The following ARHGEF9 variants were observed in gnomAD, a reference collection of about 807,000 sequenced individuals.
ARHGEF9 encodes the protein rho guanine nucleotide exchange factor 9.
Under a neutral mutation model 41.3 loss-of-function variants are expected in ARHGEF9, and 2 were observed. The observed-to-expected ratio is 0.05, with a 90% CI of 0.02 to 0.15. ARHGEF9 has a LOEUF of 0.15. Among genes scored for constraint, ARHGEF9 ranks in the 10% least tolerant of loss-of-function variants. ARHGEF9 has a pLI of 1.00. For synonymous variants in ARHGEF9, 160 were observed against 154.4 expected, an observed-to-expected ratio of 1.04 and a Z score of -0.27; for missense variants, 225 against 424.7, an observed-to-expected ratio of 0.53 and a Z score of 4.13.
intron 1 of ARHGEF9, among the ~76,000 whole-genome samples, chrX:63,769,454 A>T (rs111538985): frequency 8.9e-6 from 1 of 111,856 alleles, no homozygotes; most frequent in African/African-American, 3.2e-5. Context: ...AAAAAATCCC[A>T]TTTTCTAAGG....
chrX:63,768,152 C>G (rs2056144699), intron 1 of ARHGEF9, among the ~76,000 whole-genome samples: 1 of 111,566 alleles, frequency 9.0e-6, no homozygotes, highest in South Asian at 3.7e-4. Flanking sequence ...CCTTCTGAGT[C>G]TCCAATATCA....
At chrX:63,640,421 T>C (rs1250999010) in intron 9 of ARHGEF9, 2 of 111,796 alleles carry the variant, frequency 1.8e-5, no homozygotes, top group African/African-American at 6.5e-5. Context: ...CATTTTATTC[T>C]TTTTCGAGAT....
chrX:63,674,384 G>A (rs1329458736), intron 5 of ARHGEF9, among the ~76,000 whole-genome samples: 2 of 112,473 alleles, frequency 1.8e-5, no homozygotes, highest in Non-Finnish European at 3.8e-5. Flanking sequence ...GTAAATAGAA[G>A]TGTTGCGTAG....
intron 1 of ARHGEF9, among the ~76,000 whole-genome samples, chrX:63,729,474 T>C (rs2054156014): frequency 9.0e-6 from 1 of 111,682 alleles, no homozygotes; most frequent in Admixed American, 9.5e-5. Flanking sequence ...CAAGAGCTCA[T>C]CAACATTATC....
chrX:63,721,327 C>T (rs782734647), intron 2 of ARHGEF9, among the ~76,000 whole-genome samples: 24 of 111,236 alleles, frequency 2.2e-4, no homozygotes, highest in African/African-American at 7.8e-4. Flanking sequence ...ATCCTTTCAT[C>T]TCCATACTTC....
At chrX:63,646,163 C>T (rs1322309029) in intron 8 of ARHGEF9, among the ~76,000 whole-genome samples, 1 of 111,399 alleles carries the variant, frequency 9.0e-6, no homozygotes, top group Non-Finnish European at 1.9e-5. Flanking sequence ...CAAAAATTTT[C>T]TCCCATTCTG....
chrX:63,722,321 T>C (rs1323154083), intron 2 of ARHGEF9, among the ~76,000 whole-genome samples: 1 of 111,944 alleles, frequency 8.9e-6, no homozygotes, highest in African/African-American at 3.2e-5. Context: ...ACCATGTCAG[T>C]TACCAATTTA....
chrX:63,707,343 T>C (rs1379276557), intron 2 of ARHGEF9: 27 of 84,418 alleles, frequency 3.2e-4, no homozygotes, highest in African/African-American at 1.2e-3. Context: ...TCCTAAATCA[T>C]GAAGGCAGTG....
intron 6 of ARHGEF9, among the ~76,000 whole-genome samples, chrX:63,667,208 C>A (rs2049634436): frequency 9.0e-6 from 1 of 111,716 alleles, no homozygotes; most frequent in African/African-American, 3.3e-5. Flanking sequence ...CTCGCGATAG[C>A]CCTGGGAAGT....
chrX:63,754,453 AG>A, intron 1 of ARHGEF9: 1 of 1,143,313 alleles, frequency 8.7e-7, no homozygotes, highest in Non-Finnish European at 1.2e-6. Context: ...TCAAAGCGAG[AG>A]TTCGCGACAG....
intron 1 of ARHGEF9, among the ~76,000 whole-genome samples, chrX:63,733,061 G>C (rs2054409623): frequency 8.9e-6 from 1 of 111,964 alleles, no homozygotes; most frequent in Non-Finnish European, 1.9e-5. Context: ...GCTGACCAGA[G>C]TGTTATTCTT....
At chrX:63,666,421 C>T (rs1556348394) in intron 6 of ARHGEF9, among the ~76,000 whole-genome samples, 1 of 86,973 alleles carries the variant, frequency 1.1e-5, no homozygotes, top group Non-Finnish European at 2.2e-5. Flanking sequence ...TATATATACA[C>T]ACACACACAC....
intron 1 of ARHGEF9, among the ~76,000 whole-genome samples, chrX:63,748,445 A>G (rs1320577883): frequency 8.9e-6 from 1 of 112,360 alleles, no homozygotes; most frequent in Non-Finnish European, 1.9e-5. Context: ...GCTAATTTGT[A>G]GCACAGCATG....
rs1378732106 is a variant in ARHGEF9 at position 63,648,993 on chromosome X, A to T, written c.1322-4945T>A. Among the ~76,000 whole-genome samples the T allele has an allele frequency of 4.5e-5, 5 of 111,311 alleles. No homozygotes were observed. In the East Asian group the frequency reaches 8.5e-4, roughly 19 times the overall value. On this transcript the variant is annotated intron_variant, in intron 8 of 9. Transcript: ENST00000671741. ...ACAAAGAGACTTAGACTCCCACACA[A>T]TAATAATGGGAGACTTTAACACCCC... is the stretch of plus-strand genomic sequence containing the variant.
intron 6 of ARHGEF9, among the ~76,000 whole-genome samples, chrX:63,666,682 C>T (rs1410389299): frequency 9.1e-6 from 1 of 110,098 alleles, no homozygotes; most frequent in Non-Finnish European, 1.9e-5. Flanking sequence ...AGAACCCACT[C>T]CCCTCTTATA....
At position 63,637,344 on chromosome X, in the gene ARHGEF9, G is replaced by A. The variant is rs1256149610; in HGVS notation, c.*684C>T. The stretch of plus-strand genomic sequence containing the variant: ...GTAAAAGCAATAGGAATACTGAGCA[G>A]TTTTGTCACAGGGCACAACAGAGCA... On this transcript the variant is annotated 3_prime_UTR_variant, in exon 10 of 10. Coordinates refer to ENST00000671741, the MANE Select transcript of ARHGEF9 (RefSeq NM_001353921.2). The A allele has an allele frequency of 6.8e-6, 2 of 294,751 alleles. No individual in the cohort carries two copies. Among genetic ancestry groups the A allele is most frequent in the East Asian group, 9.6e-5 (2 of 20,936 alleles). 24.3% of individuals were successfully genotyped at this position (294,751 alleles called of 1,213,427 possible). A position where few individuals can be genotyped will look rare whatever the true frequency, so the allele number is the denominator to read the frequency against.
intron 6 of ARHGEF9, among the ~76,000 whole-genome samples, chrX:63,668,237 G>A (rs1180308880): frequency 1.8e-4 from 20 of 110,202 alleles, no homozygotes; most frequent in Non-Finnish European, 1.9e-4. Context: ...GGCCTCAAGC[G>A]ATACTTGTGT....
In ARHGEF9 at chrX:63,753,254, C is replaced by T. The variant is rs782713209; in HGVS notation, c.31-28543G>A. On this transcript the variant is annotated intron_variant, in intron 1 of 9. Transcript: ENST00000671741. ...ATGCTCTCATCCCTTTCCTTCTAGACGTTTTTGGGTTTTGGTGGTCAAATT... is the reference window on the plus strand; with the variant it reads ...ATGCTCTCATCCCTTTCCTTCTAGATGTTTTTGGGTTTTGGTGGTCAAATT... Among the ~76,000 whole-genome samples, 3 of 111,594 alleles carry T rather than the reference C, an allele frequency of 2.7e-5. No homozygotes were observed. The South Asian group carries it at 1.1e-3, about 43-fold the overall frequency.
intron 1 of ARHGEF9, among the ~76,000 whole-genome samples, chrX:63,780,975 C>CA (rs1187696150): frequency 5.4e-5 from 6 of 110,410 alleles, no homozygotes; most frequent in South Asian, 3.8e-4. Flanking sequence ...ATTATAAAGA[C>CA]AAAAAAAACA....
Sources: gnomAD v4.1 joint callset for allele counts (sites outside exome capture counted in the v4.1 genomes callset) on GRCh38, gnomAD v4.1.1 for gene constraint, MANE v1.5 for transcripts, NCBI Gene and HGNC (gene_info 2026-07-23, HGNC 2026-07-21) for gene names.